CREB5: variants seen among roughly 807,000 people sequenced by gnomAD.
CREB5 encodes the protein cyclic AMP-responsive element-binding protein 5.
CREB5 carries 19 observed loss-of-function variants against 57.1 expected under a neutral mutation model. That is an observed-to-expected ratio of 0.33 (90% CI 0.23 to 0.49). CREB5 has a LOEUF of 0.49. Ranked by LOEUF, CREB5 falls within the 20% of genes least tolerant of loss-of-function variation. The pLI is 0.99. For synonymous variants in CREB5, 238 were observed against 238.3 expected, an observed-to-expected ratio of 1.00 and a Z score of 0.01; for missense variants, 579 against 671.6, an observed-to-expected ratio of 0.86 and a Z score of 1.52.
rs1808395232 is a variant in CREB5 at position 28,801,987 on chromosome 7, A to C, written c.703-2212A>C. 2.1e-5 allele frequency among the ~76,000 whole-genome samples: 3 copies of C among 143,420 alleles called. No homozygotes were observed. In the South Asian group the frequency reaches 7.2e-4, roughly 34 times the overall value. 94.1% of individuals were successfully genotyped at this position (143,420 alleles called of 152,430 possible). A position where few individuals can be genotyped will look rare whatever the true frequency, so the allele number is the denominator to read the frequency against. On this transcript the variant is annotated intron_variant, in intron 7 of 10. Transcript: ENST00000357727. Reference sequence around the variant, plus strand: ...GTAGTCCCAGCTACTCAGGAGGCTGAGGCAGGAGAATCGCTTGAACCCGGG... The same window carrying C: ...GTAGTCCCAGCTACTCAGGAGGCTGCGGCAGGAGAATCGCTTGAACCCGGG...
At chr7:28,690,930 G>A (rs1182594336) in intron 5 of CREB5, among the ~76,000 whole-genome samples, 2 of 152,240 alleles carry the variant, frequency 1.3e-5, no homozygotes, top group East Asian at 3.9e-4. Flanking sequence ...AGACCATTCT[G>A]ACTAAAGTGA....
chr7:28,599,718 C>T (rs1796834780), intron 5 of CREB5, among the ~76,000 whole-genome samples: 1 of 138,736 alleles, frequency 7.2e-6, no homozygotes, highest in African/African-American at 3.0e-5. Context: ...CCAGGGAGAC[C>T]CAGGTGTTTT....
chr7:28,658,970 T>C (rs905537453), intron 5 of CREB5, among the ~76,000 whole-genome samples: 1 of 140,912 alleles, frequency 7.1e-6, no homozygotes, highest in Non-Finnish European at 1.6e-5. Flanking sequence ...TATATATATA[T>C]ATATATATAT....
intron 1 of CREB5, among the ~76,000 whole-genome samples, chr7:28,371,309 A>G (rs1012399741): frequency 6.6e-6 from 1 of 152,104 alleles, no homozygotes; most frequent in Non-Finnish European, 1.5e-5. Flanking sequence ...TCTCTACTAA[A>G]AATACAAAAA....
At chr7:28,717,683 C>T (rs1466929448) in intron 5 of CREB5, among the ~76,000 whole-genome samples, 2 of 152,340 alleles carry the variant, frequency 1.3e-5, no homozygotes, top group Admixed American at 1.3e-4. Context: ...CGTTCTCTCT[C>T]TCTTAAGAGA....
At chr7:28,347,891 C>T (rs1426291042) in intron 1 of CREB5, among the ~76,000 whole-genome samples, 2 of 152,206 alleles carry the variant, frequency 1.3e-5, no homozygotes, top group Non-Finnish European at 2.9e-5. Flanking sequence ...ATTCAAACCA[C>T]TTGTAAGCAG....
At chr7:28,799,110 A>G (rs1169032039) in intron 7 of CREB5, among the ~76,000 whole-genome samples, 2 of 152,220 alleles carry the variant, frequency 1.3e-5, no homozygotes, top group African/African-American at 4.8e-5. Flanking sequence ...AGAGTGTCCC[A>G]CACTGTTTCG....
At chr7:28,327,682 G>T (rs1002646877) in intron 1 of CREB5, among the ~76,000 whole-genome samples, 2 of 151,884 alleles carry the variant, frequency 1.3e-5, no homozygotes, top group East Asian at 3.8e-4. Context: ...TATCATGGCC[G>T]CACTTCCTGC....
chr7:28,711,821 A>G (rs144317870), intron 5 of CREB5, among the ~76,000 whole-genome samples: 13 of 152,280 alleles, frequency 8.5e-5, no homozygotes, highest in African/African-American at 3.1e-4. Flanking sequence ...GACCTTTTAC[A>G]TTTGTTGGAC....
chr7:28,670,468 T>C (rs1331021822), intron 5 of CREB5, among the ~76,000 whole-genome samples: 1 of 152,210 alleles, frequency 6.6e-6, no homozygotes, highest in African/African-American at 2.4e-5. Context: ...TTAAGACCAT[T>C]TACCTGAATT....
At chr7:28,393,546 T>C (rs552886146) in intron 1 of CREB5, among the ~76,000 whole-genome samples, 100 of 152,366 alleles carry the variant, frequency 6.6e-4, no homozygotes, top group Admixed American at 1.6e-3. Context: ...ACTTTTGGCT[T>C]CTAGTCTGAC....
At chr7:28,750,735 A>T (rs1264045305) in intron 7 of CREB5, among the ~76,000 whole-genome samples, 1 of 152,192 alleles carries the variant, frequency 6.6e-6, no homozygotes, top group African/African-American at 2.4e-5. Context: ...CCCAGAGAAG[A>T]TATATTTTCT....
chr7:28,556,737 G>T (rs567037767), intron 4 of CREB5, among the ~76,000 whole-genome samples: 2 of 152,114 alleles, frequency 1.3e-5, no homozygotes, highest in Non-Finnish European at 2.9e-5. Flanking sequence ...AGCCTGGCCC[G>T]TACACACAAT....
chr7:28,641,299 T>C (rs1229671719), intron 5 of CREB5, among the ~76,000 whole-genome samples: 2 of 152,090 alleles, frequency 1.3e-5, no homozygotes, highest in East Asian at 3.9e-4. Flanking sequence ...CATCGGGTGA[T>C]GGCTGAAGGG....
intron 4 of CREB5, among the ~76,000 whole-genome samples, chr7:28,555,721 A>G (rs1039835473): frequency 1.3e-5 from 2 of 152,242 alleles, no homozygotes; most frequent in African/African-American, 2.4e-5. Flanking sequence ...GAACATAAGC[A>G]TCATCACAAA....
intron 4 of CREB5, among the ~76,000 whole-genome samples, chr7:28,550,655 C>G (rs1225014547): frequency 6.6e-6 from 1 of 152,170 alleles, no homozygotes; most frequent in Non-Finnish European, 1.5e-5. Context: ...TGGGCTGTCC[C>G]CAGTCAGGTG....
chr7:28,723,864 A>G (rs1445454701), intron 6 of CREB5, among the ~76,000 whole-genome samples: 1 of 152,194 alleles, frequency 6.6e-6, no homozygotes, highest in African/African-American at 2.4e-5. Context: ...TAGTTTTCCT[A>G]TAGCTTTTGT....
intron 6 of CREB5, among the ~76,000 whole-genome samples, chr7:28,719,405 A>G (rs1213035003): frequency 6.6e-6 from 1 of 152,222 alleles, no homozygotes; most frequent in Non-Finnish European, 1.5e-5. Flanking sequence ...TCCTCACACA[A>G]AACAATTCTA....
chr7:28,462,460 T>C (rs1790389453), intron 1 of CREB5, among the ~76,000 whole-genome samples: 1 of 152,178 alleles, frequency 6.6e-6, no homozygotes, highest in Non-Finnish European at 1.5e-5. Flanking sequence ...GGCTGGGTCA[T>C]TTGGTAACTC....
Sources: allele counts gnomAD v4.1 joint callset (sites outside exome capture counted in the v4.1 genomes callset), GRCh38; gene constraint gnomAD v4.1.1; transcripts MANE v1.5; gene names NCBI Gene and HGNC (gene_info 2026-07-23, HGNC 2026-07-21).